Variants in CSMD1 observed in about 807,000 individuals in gnomAD.
The protein encoded by CSMD1 is CUB and sushi domain-containing protein 1.
In CSMD1, 213 loss-of-function variants were observed where a neutral mutation model predicts 417.5. The observed-to-expected ratio is 0.51, with a 90% CI of 0.46 to 0.57. The LOEUF (loss-of-function observed/expected upper bound fraction) is 0.57. Among genes scored for constraint, CSMD1 ranks in the 20% least tolerant of loss-of-function variants. The pLI, the probability that CSMD1 is intolerant of heterozygous loss-of-function variation, is 0.00. For synonymous variants in CSMD1, 2,862 were observed against 1,736.8 expected, an observed-to-expected ratio of 1.65 and a Z score of -16.11; for missense variants, 6,923 against 4,529.7, an observed-to-expected ratio of 1.53 and a Z score of -15.17.
chr8:3,844,863 T>C (rs999088445), intron 5 of CSMD1, among the ~76,000 whole-genome samples: 7 of 152,202 alleles, frequency 4.6e-5, no homozygotes, highest in Non-Finnish European at 1.0e-4. Context: ...TCTCTTAAAA[T>C]TTAAAACTAA....
intron 2 of CSMD1, among the ~76,000 whole-genome samples, chr8:4,565,774 A>ATG (rs1481473685): frequency 1.1e-4 from 4 of 35,300 alleles, no homozygotes; most frequent in African/African-American, 3.5e-4. Flanking sequence ...ATATATATAT[A>ATG]TATATATATA....
chr8:4,904,597 C>T (rs1805114701), intron 1 of CSMD1, among the ~76,000 whole-genome samples: 1 of 152,026 alleles, frequency 6.6e-6, no homozygotes, highest in Non-Finnish European at 1.5e-5. Flanking sequence ...TATCATTAAG[C>T]ACATATATGA....
chr8:3,553,702 T>C (rs1332843467), intron 10 of CSMD1, among the ~76,000 whole-genome samples: 1 of 152,230 alleles, frequency 6.6e-6, no homozygotes, highest in Non-Finnish European at 1.5e-5. Context: ...GGTCCATAGT[T>C]ACAAATATTC....
rs147429384 is a variant in CSMD1, at chr8:3,597,013, C to G, written c.1098-10753G>C. Among the ~76,000 whole-genome samples the G allele has an allele frequency of 3.3e-3, 503 of 152,226 alleles. 1 individual carries two copies. The highest frequency in any genetic ancestry group is 0.012 in the African/African-American group (482 of 41,524). On this transcript the variant is annotated intron_variant, in intron 8 of 69. Transcript: ENST00000635120. The stretch of plus-strand genomic sequence containing the variant: ...TTTCTGTGGCCATGAATCCAGAACC[C>G]AGGTGCTGATGCCACCCAGAGCCAG...
Position 3,582,576 on chromosome 8 carries a change from G to A in CSMD1, c.1222+3560C>T, listed in dbSNP as rs1028819753. On this transcript the variant is annotated intron_variant, in intron 9 of 69. Coordinates refer to ENST00000635120, the MANE Select transcript of CSMD1 (RefSeq NM_033225.6). ...CATAACTGTAAATGTCTAAACTTGC[G>A]CTGTCATATGTGGCAACTGCTAGCC... 4.6e-5 allele frequency among the ~76,000 whole-genome samples: 7 copies of A among 152,122 alleles called. No homozygotes were observed. In the East Asian group the frequency reaches 5.8e-4, roughly 13 times the overall value.
chr8:3,851,426 G>A (rs902332428), intron 5 of CSMD1, among the ~76,000 whole-genome samples: 2 of 152,158 alleles, frequency 1.3e-5, no homozygotes, highest in Admixed American at 6.5e-5. Context: ...CAATTTCTCA[G>A]TGCTGAGTAT....
At chr8:3,278,692 TG>T (rs1802498710) in intron 26 of CSMD1, 1 of 151,776 alleles carries the variant, frequency 6.6e-6, no homozygotes, top group South Asian at 2.1e-4. Flanking sequence ...GACAAAAAAA[TG>T]AGAGATTTCC....
intron 3 of CSMD1, among the ~76,000 whole-genome samples, chr8:4,157,443 A>C (rs755910177): frequency 6.6e-6 from 1 of 151,536 alleles, no homozygotes; most frequent in Non-Finnish European, 1.5e-5. Flanking sequence ...ATTTTCCCCT[A>C]CCTCCTTCCC....
At chr8:3,489,915 T>G (rs1360459166) in intron 11 of CSMD1, among the ~76,000 whole-genome samples, 2 of 152,214 alleles carry the variant, frequency 1.3e-5, no homozygotes, top group Non-Finnish European at 2.9e-5. Context: ...ACTGCTGCTT[T>G]ATGTAAAATG....
intron 7 of CSMD1, among the ~76,000 whole-genome samples, chr8:3,678,212 G>A (rs774914580): frequency 2.0e-5 from 3 of 152,186 alleles, no homozygotes; most frequent in Non-Finnish European, 2.9e-5. Context: ...GCTGAGAGAA[G>A]AAGGTTTCAG....
At chr8:4,939,891 T>C (rs1158955526) in intron 1 of CSMD1, among the ~76,000 whole-genome samples, 1 of 152,212 alleles carries the variant, frequency 6.6e-6, no homozygotes. Context: ...CCTATTTCTA[T>C]CAGGTTGTGT....
chr8:4,374,965 G>T (rs185030271), intron 3 of CSMD1, among the ~76,000 whole-genome samples: 76 of 71,946 alleles, frequency 1.1e-3, no homozygotes, highest in Middle Eastern at 8.8e-3. Context: ...GTGGGGTGGG[G>T]GGGGGGGGCG....
chr8:3,435,990 G>A (rs1479410487), intron 12 of CSMD1, among the ~76,000 whole-genome samples: 1 of 152,132 alleles, frequency 6.6e-6, no homozygotes, highest in Non-Finnish European at 1.5e-5. Flanking sequence ...ATTTGCAAAT[G>A]CTCTCTTCTG....
intron 10 of CSMD1, among the ~76,000 whole-genome samples, chr8:3,567,411 CTAAAA>C (rs1225079256): frequency 1.3e-5 from 2 of 148,676 alleles, no homozygotes; most frequent in East Asian, 2.0e-4. Context: ...ATCCCTTAAC[CTAAAA>C]TAAAAGTTTT....
chr8:3,273,912 T>C (rs1802070361), intron 26 of CSMD1, among the ~76,000 whole-genome samples: 1 of 152,174 alleles, frequency 6.6e-6, no homozygotes, highest in South Asian at 2.1e-4. Flanking sequence ...AAGGGTTTTT[T>C]GTGTCTCTAT....
intron 2 of CSMD1, among the ~76,000 whole-genome samples, chr8:4,451,650 C>T (rs1799151904): frequency 6.6e-6 from 1 of 152,152 alleles, no homozygotes. Context: ...TGTTAGGATA[C>T]ATTCCTTAGT....
intron 2 of CSMD1, among the ~76,000 whole-genome samples, chr8:4,562,551 T>A (rs1270984844): frequency 6.6e-6 from 1 of 152,146 alleles, no homozygotes; most frequent in Admixed American, 6.5e-5. Flanking sequence ...TAAGTATACA[T>A]GAAATGGAAC....
chr8:4,872,922 T>C (rs377212770), intron 1 of CSMD1, among the ~76,000 whole-genome samples: 1 of 152,018 alleles, frequency 6.6e-6, no homozygotes, highest in Admixed American at 6.5e-5. Flanking sequence ...TTGACATATG[T>C]TTTATTTTAT....
intron 49 of CSMD1, among the ~76,000 whole-genome samples, chr8:3,054,285 T>C (rs570870554): frequency 2.6e-5 from 4 of 152,308 alleles, no homozygotes; most frequent in African/African-American, 9.6e-5. Context: ...CTCTAAAATG[T>C]CTCATGTTTA....
Sources: allele counts gnomAD v4.1 joint callset (sites outside exome capture counted in the v4.1 genomes callset), GRCh38; gene constraint gnomAD v4.1.1; transcripts MANE v1.5; gene names NCBI Gene and HGNC (gene_info 2026-07-23, HGNC 2026-07-21).